Variants in SNX29 observed in about 807,000 individuals in gnomAD.
The protein encoded by SNX29 is sorting nexin 29.
In SNX29, 78 loss-of-function variants were observed where a neutral mutation model predicts 102.1. The observed-to-expected ratio is 0.76, with a 90% CI of 0.64 to 0.92. The LOEUF (loss-of-function observed/expected upper bound fraction) is 0.92, where lower values mean the gene tolerates loss of function less well. Ranked by LOEUF, SNX29 falls within the 40% of genes least tolerant of loss-of-function variation. The pLI is 0.00. For synonymous variants in SNX29, 580 were observed against 414.5 expected (o/e 1.40, Z -4.85); for missense variants, 1,280 against 1,061.7 (o/e 1.21, Z -2.86).
At chr16:12,467,616 G>T (rs565847302) in intron 18 of SNX29, among the ~76,000 whole-genome samples, 304 of 129,994 alleles carry the variant, frequency 2.3e-3, no homozygotes, top group African/African-American at 0.01. Context: ...TCGTTTGTTC[G>T]TTCGTTAGTT....
At chr16:12,176,556 T>C (rs2076265633) in intron 13 of SNX29, among the ~76,000 whole-genome samples, 1 of 152,182 alleles carries the variant, frequency 6.6e-6, no homozygotes. Context: ...AGTATACCAA[T>C]TATTTATATA....
intron 16 of SNX29, among the ~76,000 whole-genome samples, chr16:12,364,416 C>CTTCTTTTTTTTTTTTT (rs1555520124): frequency 2.0e-5 from 2 of 98,790 alleles, no homozygotes; most frequent in Admixed American, 9.4e-5. Flanking sequence ...CTCTCTTCTT[C>CTTCTTTTTTTTTTTTT]TTTTTTTTTT....
chr16:12,064,127 C>T (rs542474855), intron 9 of SNX29, among the ~76,000 whole-genome samples: 5 of 152,218 alleles, frequency 3.3e-5, no homozygotes, highest in East Asian at 1.9e-4. Context: ...ATTGTGGAAC[C>T]GTGAGGTGCT....
chr16:12,255,232 G>A (rs542943715), intron 14 of SNX29, among the ~76,000 whole-genome samples: 3 of 151,940 alleles, frequency 2.0e-5, no homozygotes, highest in Non-Finnish European at 4.4e-5. Flanking sequence ...GTCTTGGTGC[G>A]ACGCCCAGGC....
chr16:12,477,584 G>A, intron 18 of SNX29, 135 bp from the exon 19 acceptor site: 1 of 1,008,510 alleles, frequency 9.9e-7, no homozygotes, highest in Non-Finnish European at 1.5e-6. Flanking sequence ...TCTATGCCAG[G>A]AACTGGGCAT....
intron 14 of SNX29, among the ~76,000 whole-genome samples, chr16:12,264,485 A>G (rs1454032986): frequency 6.6e-6 from 1 of 152,230 alleles, no homozygotes; most frequent in Non-Finnish European, 1.5e-5. Flanking sequence ...TGCACCAAAT[A>G]GAAATGCTCC....
chr16:12,254,132 G>T (rs967730275), intron 14 of SNX29, among the ~76,000 whole-genome samples: 10 of 152,300 alleles, frequency 6.6e-5, no homozygotes, highest in African/African-American at 1.9e-4. Context: ...GTACAGGCAT[G>T]TTGAGTGTGA....
At chr16:12,064,070 C>A (rs1465168374) in intron 9 of SNX29, among the ~76,000 whole-genome samples, 3 of 152,060 alleles carry the variant, frequency 2.0e-5, no homozygotes, top group Admixed American at 6.6e-5. Flanking sequence ...TCCTGCTCAC[C>A]TTGTCCCGTT....
intron 18 of SNX29, among the ~76,000 whole-genome samples, chr16:12,466,905 G>A (rs2087079335): frequency 6.6e-6 from 1 of 152,178 alleles, no homozygotes; most frequent in Admixed American, 6.5e-5. Flanking sequence ...TTCCTTTGGT[G>A]GAAATGGTCC....
At chr16:12,389,531 C>T (rs1207866339) in intron 16 of SNX29, among the ~76,000 whole-genome samples, 4 of 152,118 alleles carry the variant, frequency 2.6e-5, no homozygotes, top group Non-Finnish European at 4.4e-5. Flanking sequence ...GCCTCCCTGG[C>T]CATGTGGAAC....
At chr16:12,149,952 A>C (rs986956486) in intron 13 of SNX29, among the ~76,000 whole-genome samples, 1 of 152,198 alleles carries the variant, frequency 6.6e-6, no homozygotes, top group African/African-American at 2.4e-5. Flanking sequence ...TGCTGTGTCA[A>C]GGAAGCTTCA....
chr16:12,107,075 C>T (rs539579319), intron 11 of SNX29, among the ~76,000 whole-genome samples: 2 of 152,348 alleles, frequency 1.3e-5, no homozygotes, highest in East Asian at 1.9e-4. Flanking sequence ...TCCTCGGCGT[C>T]CCAGAGTGCT....
At chr16:12,529,358 G>C (rs777118055) in intron 20 of SNX29, among the ~76,000 whole-genome samples, 1 of 152,162 alleles carries the variant, frequency 6.6e-6, no homozygotes, top group African/African-American at 2.4e-5. Context: ...ACTAAGAGAC[G>C]TGACACTTTG....
At chr16:12,326,227 G>T (rs568925388) in intron 15 of SNX29, among the ~76,000 whole-genome samples, 1 of 151,890 alleles carries the variant, frequency 6.6e-6, no homozygotes, top group East Asian at 2.0e-4. Context: ...GGCCAGGCTG[G>T]TCTTGAACTC....
rs78750252 is a variant in SNX29 at position 12,538,209 on chromosome 16, G to C, written c.2318+13368G>C. ...AGGCTCACCGCAAGCTCTGTGTTCT[G>C]GGTTCATGCCATTCTTGTGCCTCAG... is the stretch of plus-strand genomic sequence containing the variant. On this transcript the variant is annotated intron_variant, in intron 20 of 20. Transcript: ENST00000566228. Among the ~76,000 whole-genome samples the C allele has an allele frequency of 7.1e-3, 1,082 of 152,220 alleles. 10 individuals carry two copies. The highest frequency in any genetic ancestry group is 0.017 in the South Asian group (84 of 4,822).
intron 14 of SNX29, among the ~76,000 whole-genome samples, chr16:12,231,283 A>G (rs1238656707): frequency 6.6e-6 from 1 of 152,222 alleles, no homozygotes; most frequent in African/African-American, 2.4e-5. Context: ...CCAGCTCACT[A>G]GGGAAAATGA....
chr16:12,021,754 T>C (rs937767550), intron 3 of SNX29, among the ~76,000 whole-genome samples: 1 of 151,900 alleles, frequency 6.6e-6, no homozygotes, highest in Non-Finnish European at 1.5e-5. Flanking sequence ...TGGCCGGACG[T>C]GGTGGCCCGT....
chr16:12,465,107 G>A (rs1179265032), intron 18 of SNX29, among the ~76,000 whole-genome samples: 4 of 152,134 alleles, frequency 2.6e-5, no homozygotes, highest in Non-Finnish European at 5.9e-5. Flanking sequence ...TGGGATTTCT[G>A]TATATATTTT....
chr16:12,156,863 G>A (rs1471532921), intron 13 of SNX29, among the ~76,000 whole-genome samples: 1 of 152,166 alleles, frequency 6.6e-6, no homozygotes, highest in Non-Finnish European at 1.5e-5. Context: ...CTGGAGCTCG[G>A]GTGTGTGTAG....
Sources: gnomAD v4.1 joint callset for allele counts (sites outside exome capture counted in the v4.1 genomes callset) on GRCh38, gnomAD v4.1.1 for gene constraint, MANE v1.5 for transcripts, NCBI Gene and HGNC (gene_info 2026-07-23, HGNC 2026-07-21) for gene names.